The following ZNF804B variants were observed in gnomAD, a reference collection of about 807,000 sequenced individuals.
The protein encoded by ZNF804B is zinc finger 804B.
A neutral mutation model predicts 101.4 loss-of-function variants in ZNF804B; 80 were observed. The observed-to-expected ratio is 0.79, with a 90% CI of 0.66 to 0.95. The LOEUF is 0.95. Ranked by LOEUF, ZNF804B falls within the 40% of genes least tolerant of loss-of-function variation. ZNF804B has a pLI of 0.00. For synonymous variants in ZNF804B, 622 were observed against 558.8 expected (o/e 1.11, Z -1.59); for missense variants, 1,673 against 1,561.9 (o/e 1.07, Z -1.20).
chr7:88,898,108 A>G (rs1207269629), intron 1 of ZNF804B, among the ~76,000 whole-genome samples: 2 of 82,476 alleles, frequency 2.4e-5, no homozygotes, highest in South Asian at 4.4e-4. Context: ...TTTTTTTGAG[A>G]TAGAGTCTCA....
intron 1 of ZNF804B, among the ~76,000 whole-genome samples, chr7:88,999,710 A>G (rs551900425): frequency 6.6e-6 from 1 of 152,020 alleles, no homozygotes; most frequent in Admixed American, 6.6e-5. Context: ...ATATTTTTTC[A>G]TTTTACAAGA....
intron 2 of ZNF804B, among the ~76,000 whole-genome samples, chr7:89,231,575 T>C (rs1353160928): frequency 1.3e-5 from 2 of 152,088 alleles, no homozygotes; most frequent in Non-Finnish European, 2.9e-5. Context: ...TCCCAATTTA[T>C]ACATATATGT....
chr7:89,278,226 G>T (rs186767717), intron 2 of ZNF804B, among the ~76,000 whole-genome samples: 1 of 86,862 alleles, frequency 1.2e-5, no homozygotes, highest in East Asian at 2.5e-4. Flanking sequence ...ATTTGTTGGA[G>T]TTCATTATAG....
At chr7:88,903,322 T>C (rs1792420108) in intron 1 of ZNF804B, among the ~76,000 whole-genome samples, 1 of 152,178 alleles carries the variant, frequency 6.6e-6, no homozygotes, top group Non-Finnish European at 1.5e-5. Flanking sequence ...CCATAGTGTA[T>C]CTGTACCACG....
intron 1 of ZNF804B, among the ~76,000 whole-genome samples, chr7:88,984,593 G>A (rs1793734488): frequency 6.6e-6 from 1 of 151,916 alleles, no homozygotes. Context: ...GACTTTATGA[G>A]TGGTCCAGAC....
rs992146274 is a variant in ZNF804B, at chr7:88,760,148, T to C, written c.108+64T>C. 23 of 1,346,322 alleles carry C rather than the reference T, an allele frequency of 1.7e-5. No individual in the cohort carries two copies. In the South Asian group the frequency reaches 2.4e-4, roughly 14 times the overall value. 83.4% of individuals were successfully genotyped at this position (1,346,322 alleles called of 1,614,324 possible). On this transcript the variant is annotated intron_variant, in intron 1 of 3. Transcript: ENST00000333190. ...CCAACTCAACACAAACAAAAAGATA[T>C]TGAGAGATAGTATCCTGATACAATG... is the stretch of plus-strand genomic sequence containing the variant.
chr7:88,966,761 TACAC>T (rs911193159), intron 1 of ZNF804B, among the ~76,000 whole-genome samples: 2 of 150,624 alleles, frequency 1.3e-5, no homozygotes, highest in African/African-American at 2.4e-5. Flanking sequence ...CACACATACA[TACAC>T]ACACACACAA....
intron 1 of ZNF804B, among the ~76,000 whole-genome samples, chr7:89,067,828 C>CT (rs112256863): frequency 0.022 from 2,915 of 132,710 alleles, 156 homozygotes; most frequent in African/African-American, 0.073. Flanking sequence ...CTTTTCTTTT[C>CT]TTTTTTTTTT....
intron 1 of ZNF804B, among the ~76,000 whole-genome samples, chr7:88,893,752 A>G (rs1458339134): frequency 2.0e-5 from 3 of 152,322 alleles, no homozygotes; most frequent in Admixed American, 1.3e-4. Flanking sequence ...GAAAGATATA[A>G]TAGACAATAG....
intron 1 of ZNF804B, among the ~76,000 whole-genome samples, chr7:88,907,096 C>T (rs899451220): frequency 6.6e-6 from 1 of 151,992 alleles, no homozygotes. Flanking sequence ...AGATATTTAA[C>T]TTCATGTCCA....
intron 2 of ZNF804B, among the ~76,000 whole-genome samples, chr7:89,300,331 C>T (rs540423381): frequency 6.6e-6 from 1 of 151,908 alleles, no homozygotes; most frequent in Non-Finnish European, 1.5e-5. Flanking sequence ...AAATGTCCTT[C>T]TCTTCCATGT....
chr7:88,762,680 A>T (rs1266118261), intron 1 of ZNF804B, among the ~76,000 whole-genome samples: 3 of 151,706 alleles, frequency 2.0e-5, no homozygotes, highest in Non-Finnish European at 4.4e-5. Context: ...TATTTCCTTA[A>T]AAAAACATAG....
At chr7:89,122,802 A>C (rs1339039013) in intron 1 of ZNF804B, among the ~76,000 whole-genome samples, 2 of 152,188 alleles carry the variant, frequency 1.3e-5, no homozygotes, top group African/African-American at 4.8e-5. Context: ...TCTTACCTTC[A>C]TACAAATTTA....
intron 2 of ZNF804B, among the ~76,000 whole-genome samples, chr7:89,245,662 A>G (rs917385317): frequency 1.3e-5 from 2 of 152,178 alleles, no homozygotes; most frequent in African/African-American, 4.8e-5. Flanking sequence ...GGCTTTTAGC[A>G]TGCTTCAGCT....
intron 2 of ZNF804B, among the ~76,000 whole-genome samples, chr7:89,322,471 G>A (rs746074975): frequency 2.6e-5 from 4 of 152,014 alleles, no homozygotes; most frequent in Admixed American, 6.6e-5. Context: ...GTTATTGAAA[G>A]CATACTACTA....
At chr7:89,195,841 T>C (rs1788539711) in intron 1 of ZNF804B, among the ~76,000 whole-genome samples, 2 of 151,560 alleles carry the variant, frequency 1.3e-5, no homozygotes, top group Admixed American at 1.3e-4. Context: ...GAAATATAAT[T>C]TACAAGAGAA....
intron 1 of ZNF804B, among the ~76,000 whole-genome samples, chr7:89,212,250 GAT>G (rs1562917449): frequency 1.9e-5 from 2 of 104,584 alleles, no homozygotes; most frequent in Non-Finnish European, 3.8e-5. Context: ...TGCATTCAGT[GAT>G]ACACACACAC....
At chr7:88,828,639 A>G (rs535709802) in intron 1 of ZNF804B, among the ~76,000 whole-genome samples, 13 of 152,272 alleles carry the variant, frequency 8.5e-5, no homozygotes, top group African/African-American at 2.9e-4. Flanking sequence ...GGTAGCTTGA[A>G]ACCTATTGGG....
At chr7:89,308,184 G>A (rs1031296995) in intron 2 of ZNF804B, among the ~76,000 whole-genome samples, 4 of 152,052 alleles carry the variant, frequency 2.6e-5, no homozygotes, top group African/African-American at 9.7e-5. Context: ...TGTTTGTTCT[G>A]CAGTACCTTC....
Sources: gnomAD v4.1 joint callset for allele counts (sites outside exome capture counted in the v4.1 genomes callset) on GRCh38, gnomAD v4.1.1 for gene constraint, MANE v1.5 for transcripts, NCBI Gene and HGNC (gene_info 2026-07-23, HGNC 2026-07-21) for gene names.